The following AFF3 variants were observed in gnomAD, a reference collection of about 807,000 sequenced individuals.
AFF3 encodes the protein AF4/FMR2 family member 3.
Under a neutral mutation model 129.7 loss-of-function variants are expected in AFF3, and 32 were observed. The observed-to-expected ratio is 0.25, with a 90% CI of 0.19 to 0.33. AFF3 has a LOEUF of 0.33. Ranked by LOEUF, AFF3 falls within the 10% of genes least tolerant of loss-of-function variation. The pLI, the probability that AFF3 is intolerant of heterozygous loss-of-function variation, is 1.00. For missense variants in AFF3, 1,373 were observed against 1,592.0 expected (o/e 0.86, Z 2.34); for synonymous variants, 644 against 635.4 (o/e 1.01, Z -0.20).
chr2:99,593,933 G>T lies in AFF3; in HGVS notation c.1728C>A (p.Pro576=). The T allele has an allele frequency of 1.4e-6, 2 of 1,405,738 alleles. No individual in the cohort carries two copies. The allele number at this position is 1,405,738 out of a possible 1,614,324, so 87.1% of individuals were successfully genotyped here. A position where few individuals can be genotyped will look rare whatever the true frequency, so the allele number is the denominator to read the frequency against. The change falls in exon 15 of 25, where the codon CCC becomes CCA. Residue 576 remains proline (P), a synonymous_variant. Transcript: ENST00000672756. ...TGCCCGCGGACCTCCGGGCAGGCGC[G>T]GGCGCGTTCTCCGCGGGCGCACAGG... ...AVPCAPAENA[P]APARRSAGKK...
intron 8 of AFF3, among the ~76,000 whole-genome samples, chr2:99,827,711 A>G (rs2105733875): frequency 6.6e-6 from 1 of 152,114 alleles, no homozygotes; most frequent in Admixed American, 6.5e-5. Flanking sequence ...GTACACACAC[A>G]TACGATGGAA....
At chr2:100,072,073 G>T (rs1688230768) in intron 4 of AFF3, among the ~76,000 whole-genome samples, 10 of 152,266 alleles carry the variant, frequency 6.6e-5, no homozygotes. Flanking sequence ...CATGGAACAA[G>T]ACATTTCCCC....
chr2:100,006,530 C>T (rs1559050039), intron 7 of AFF3, 102 bp downstream of exon 7: 4 of 1,410,432 alleles, frequency 2.8e-6, no homozygotes, highest in African/African-American at 2.9e-5. Context: ...TGAAGTTAAC[C>T]ACATCACTGA....
At chr2:99,729,016 T>C (rs910034067) in intron 10 of AFF3, among the ~76,000 whole-genome samples, 1 of 152,184 alleles carries the variant, frequency 6.6e-6, no homozygotes, top group African/African-American at 2.4e-5. Context: ...CTGCATTATA[T>C]AAGACAAAAC....
chr2:99,894,840 C>T (rs899377355), intron 7 of AFF3, among the ~76,000 whole-genome samples: 1 of 152,150 alleles, frequency 6.6e-6, no homozygotes, highest in Non-Finnish European at 1.5e-5. Flanking sequence ...AAACATCACA[C>T]AGTACAAAAG....
intron 13 of AFF3, among the ~76,000 whole-genome samples, chr2:99,641,866 A>G (rs1684229353): frequency 6.6e-6 from 1 of 152,100 alleles, no homozygotes; most frequent in Non-Finnish European, 1.5e-5. Flanking sequence ...ATCTATGACT[A>G]CTTATGTGTA....
chr2:100,006,883 T>G lies in AFF3; in HGVS notation c.622A>C (p.Ser208Arg). 1 of 1,614,208 alleles carries G rather than the reference T, an allele frequency of 6.2e-7. No individual in the cohort carries two copies. Among genetic ancestry groups the G allele is most frequent in the Non-Finnish European group, 8.5e-7 (1 of 1,180,040 alleles). Residue 208 changes from serine (S) to arginine (R), a missense_variant, in exon 7 of 25, where the codon AGC becomes CGC. By Grantham distance (110) the Ser-to-Arg change is moderately radical. This residue lies in a region of AFF3 where 255 missense variants were observed against 256.0 expected (regional missense o/e 1.00). Coordinates refer to ENST00000672756, the MANE Select transcript of AFF3 (RefSeq NM_001386135.1). ...AAGTTCTGAACACAGTGTCCGCTGC[T>G]GCTGTGCTTGGCCGCCATGGCAGGT... is the stretch of plus-strand genomic sequence containing the variant. Reference protein sequence around the residue: ...RPPAMAAKHSSSGHCVQNFPP... With the variant: ...RPPAMAAKHSRSGHCVQNFPP...
rs1372489041 is a variant in AFF3, at chr2:99,679,320, G to A, written c.1092-6731C>T. On this transcript the variant is annotated intron_variant, in intron 11 of 24. Coordinates refer to ENST00000672756, the MANE Select transcript of AFF3 (RefSeq NM_001386135.1). ...CTGCCATGTTGAACCTGGGGTGAAG[G>A]TGCACTGTCTCGCTTAAGTTTATGA... 2.6e-5 allele frequency among the ~76,000 whole-genome samples: 4 copies of A among 152,142 alleles called. No individual in the cohort carries two copies. The East Asian group carries it at 7.7e-4, about 29-fold the overall frequency.
At chr2:99,835,000 T>G (rs1688756645) in intron 8 of AFF3, among the ~76,000 whole-genome samples, 1 of 152,220 alleles carries the variant, frequency 6.6e-6, no homozygotes, top group Non-Finnish European at 1.5e-5. Context: ...TTTACTTGAA[T>G]GTCCCAAAGG....
chr2:99,889,774 T>C (rs1693407324), intron 7 of AFF3, among the ~76,000 whole-genome samples: 1 of 152,212 alleles, frequency 6.6e-6, no homozygotes, highest in African/African-American at 2.4e-5. Flanking sequence ...TTCTCCTGCC[T>C]CAGCCTCCTG....
chr2:99,701,078 G>C (rs1008672685), intron 11 of AFF3, among the ~76,000 whole-genome samples: 1 of 152,206 alleles, frequency 6.6e-6, no homozygotes, highest in African/African-American at 2.4e-5. Context: ...GACTCCATAG[G>C]ATTTAGAATG....
chr2:99,906,162 C>T (rs1694701615), intron 7 of AFF3, among the ~76,000 whole-genome samples: 2 of 152,202 alleles, frequency 1.3e-5, no homozygotes, highest in African/African-American at 4.8e-5. Flanking sequence ...AATCTTAAAT[C>T]TTAAAATGTA....
At chr2:99,868,436 CGAGT>C (rs1691609010) in intron 7 of AFF3, among the ~76,000 whole-genome samples, 1 of 152,086 alleles carries the variant, frequency 6.6e-6, no homozygotes, top group Non-Finnish European at 1.5e-5. Context: ...GCCAGGCGAG[CGAGT>C]GTCTGACAGA....
intron 7 of AFF3, among the ~76,000 whole-genome samples, chr2:99,872,207 CAAAAAAAAA>C (rs397871895): frequency 4.9e-5 from 3 of 61,782 alleles, no homozygotes; most frequent in Non-Finnish European, 2.9e-5. Context: ...GACTCCATCT[CAAAAAAAAA>C]AAAAAAAAAA....
intron 8 of AFF3, among the ~76,000 whole-genome samples, chr2:99,804,705 TG>T (rs577000634): frequency 5.9e-5 from 9 of 151,950 alleles, no homozygotes; most frequent in Non-Finnish European, 7.4e-5. Flanking sequence ...AACTGATGAG[TG>T]GATAAAGAAA....
At chr2:100,035,659 A>T (rs1272281284) in intron 4 of AFF3, among the ~76,000 whole-genome samples, 1 of 152,196 alleles carries the variant, frequency 6.6e-6, no homozygotes, top group Non-Finnish European at 1.5e-5. Flanking sequence ...CCTTCTTTTC[A>T]TCTATATATC....
intron 7 of AFF3, among the ~76,000 whole-genome samples, chr2:99,945,126 A>G (rs956432097): frequency 2.0e-5 from 3 of 152,218 alleles, no homozygotes; most frequent in African/African-American, 7.2e-5. Context: ...GCAGGATGAT[A>G]AGGCTGGTGG....
intron 9 of AFF3, among the ~76,000 whole-genome samples, chr2:99,744,544 G>T (rs1680981095): frequency 6.6e-6 from 1 of 151,986 alleles, no homozygotes; most frequent in Non-Finnish European, 1.5e-5. Context: ...CCATACCCCT[G>T]CCCTCCCAAT....
intron 13 of AFF3, among the ~76,000 whole-genome samples, chr2:99,606,717 A>G (rs1314552352): frequency 2.0e-5 from 3 of 151,632 alleles, no homozygotes; most frequent in East Asian, 1.9e-4. Flanking sequence ...GATCAAGACC[A>G]TCCTGGCTAA....
Sources: gnomAD v4.1 joint callset for allele counts (sites outside exome capture counted in the v4.1 genomes callset) on GRCh38, gnomAD v4.1.1 for gene constraint, gnomAD v4.1.1 regional missense constraint, MANE v1.5 for transcripts, NCBI Gene and HGNC (gene_info 2026-07-23, HGNC 2026-07-21) for gene names.